Variants in LAMA2 observed in about 807,000 individuals in gnomAD.
The protein encoded by LAMA2 is laminin subunit alpha 2, also known as laminin subunit alpha-2.
A neutral mutation model predicts 364.8 loss-of-function variants in LAMA2; 269 were observed. The observed-to-expected ratio is 0.74, with a 90% CI of 0.67 to 0.82. The LOEUF is 0.82. LAMA2 is among the 40% of genes least tolerant of loss of function. The pLI is 0.00. For missense variants in LAMA2, 3,807 were observed against 3,873.2 expected (o/e 0.98, Z 0.45); for synonymous variants, 1,379 against 1,370.6 (o/e 1.01, Z -0.14).
intron 4 of LAMA2, among the ~76,000 whole-genome samples, chr6:129,124,117 A>G (rs1776969659): frequency 6.6e-6 from 1 of 152,180 alleles, no homozygotes; most frequent in Admixed American, 6.5e-5. Flanking sequence ...TTACAACTGA[A>G]AGCCTTCTAA....
chr6:129,169,280 A>G (rs962725226), intron 9 of LAMA2, among the ~76,000 whole-genome samples: 3 of 145,378 alleles, frequency 2.1e-5, no homozygotes, highest in East Asian at 2.0e-4. Context: ...CCCATTCTGT[A>G]TGATACTGGC....
intron 3 of LAMA2, among the ~76,000 whole-genome samples, chr6:129,069,009 G>A (rs543427504): frequency 2.3e-4 from 35 of 152,180 alleles, no homozygotes; most frequent in Admixed American, 9.2e-4. Context: ...CCATGAAAAT[G>A]TAAACATTTT....
At chr6:128,926,683 T>C (rs988084726) in intron 1 of LAMA2, among the ~76,000 whole-genome samples, 3 of 152,328 alleles carry the variant, frequency 2.0e-5, no homozygotes, top group African/African-American at 7.2e-5. Context: ...TGTGCTCCTT[T>C]TTAATATTGG....
At chr6:129,070,029 C>A (rs939798629) in intron 3 of LAMA2, among the ~76,000 whole-genome samples, 1 of 151,910 alleles carries the variant, frequency 6.6e-6, no homozygotes, top group Non-Finnish European at 1.5e-5. Flanking sequence ...CAAAAAAAGG[C>A]TGGAGTGAGA....
intron 22 of LAMA2, among the ~76,000 whole-genome samples, chr6:129,307,519 G>A (rs2494584): frequency 3.1e-3 from 471 of 152,252 alleles, no homozygotes; most frequent in African/African-American, 0.011. Flanking sequence ...GCTATAATGC[G>A]GGCTTTGGGT....
intron 5 of LAMA2, 74 bp from the exon 6 acceptor site, chr6:129,146,885 A>G (rs1016641175): frequency 5.5e-6 from 5 of 917,024 alleles, no homozygotes; most frequent in East Asian, 2.4e-5. Context: ...TAAAGTTTTT[A>G]CTGAATGTCC....
At chr6:129,144,187 A>G in intron 5 of LAMA2, 107 bp downstream of exon 5, 1 of 768,076 alleles carries the variant, frequency 1.3e-6, no homozygotes, top group Non-Finnish European at 2.1e-6. Flanking sequence ...AGTGGTTATT[A>G]TCAAATTTTT....
intron 54 of LAMA2, 109 bp from the exon 55 acceptor site, chr6:129,481,154 G>C: frequency 2.4e-6 from 2 of 841,356 alleles, no homozygotes; most frequent in Non-Finnish European, 4.1e-6. Flanking sequence ...CTAAACCTAT[G>C]ATGTATTTCA....
At chr6:128,974,640 A>G (rs551932168) in intron 1 of LAMA2, among the ~76,000 whole-genome samples, 3 of 152,330 alleles carry the variant, frequency 2.0e-5, no homozygotes, top group African/African-American at 7.2e-5. Context: ...TCTTCTGCCA[A>G]TAGTATTAAT....
At chr6:128,938,496 AGAG>A (rs1686266889) in intron 1 of LAMA2, among the ~76,000 whole-genome samples, 1 of 152,148 alleles carries the variant, frequency 6.6e-6, no homozygotes, top group Admixed American at 6.5e-5. Flanking sequence ...AGTTGTATAT[AGAG>A]AAGCTGCTAG....
At chr6:129,145,010 A>C (rs985319871) in intron 5 of LAMA2, among the ~76,000 whole-genome samples, 4 of 151,992 alleles carry the variant, frequency 2.6e-5, no homozygotes, top group Non-Finnish European at 5.9e-5. Context: ...CATTATTACC[A>C]GGGAAGTCAA....
chr6:129,471,402 T>C (rs967186957), intron 51 of LAMA2, among the ~76,000 whole-genome samples: 2 of 151,968 alleles, frequency 1.3e-5, no homozygotes, highest in Admixed American at 6.6e-5. Flanking sequence ...TCTTTAATCA[T>C]GTTTTCTTAG....
At chr6:129,182,073 G>A (rs1017137152) in intron 10 of LAMA2, among the ~76,000 whole-genome samples, 9 of 151,658 alleles carry the variant, frequency 5.9e-5, no homozygotes, top group Admixed American at 5.3e-4. Flanking sequence ...AAAAGCAGTA[G>A]TATTTCTATA....
intron 49 of LAMA2, 133 bp downstream of exon 49, chr6:129,460,457 AC>A: frequency 1.1e-6 from 1 of 926,994 alleles, no homozygotes; most frequent in Non-Finnish European, 1.7e-6. Flanking sequence ...AGGTGGAATT[AC>A]CACAAAACTA....
chr6:129,034,823 C>A (rs928740142), intron 1 of LAMA2, among the ~76,000 whole-genome samples: 9 of 152,148 alleles, frequency 5.9e-5, no homozygotes, highest in Non-Finnish European at 1.2e-4. Flanking sequence ...TTTATGGCTG[C>A]ACAGTATTCC....
At chr6:129,196,068 G>A (rs1212024021) in intron 12 of LAMA2, among the ~76,000 whole-genome samples, 1 of 152,106 alleles carries the variant, frequency 6.6e-6, no homozygotes, top group East Asian at 1.9e-4. Context: ...TTAATCTTAT[G>A]TGATTTGTTC....
chr6:129,159,067 AATG>A, intron 8 of LAMA2: 1 of 1,580,514 alleles, frequency 6.3e-7, no homozygotes, highest in South Asian at 1.1e-5. Flanking sequence ...GAACACGAGA[AATG>A]ATGAACAAAT....
chr6:129,481,401 C>T lies in LAMA2; in HGVS notation c.7711C>T (p.Pro2571Ser), dbSNP rs1413143969. Residue 2571 changes from proline to serine, a missense_variant, in exon 55 of 65, where the codon CCA (proline) becomes TCA (serine). Physicochemically the swap from Pro to Ser is moderately conservative, Grantham distance 74. Coordinates refer to ENST00000421865, the MANE Select transcript of LAMA2 (RefSeq NM_000426.4). ...GIILLGSGGT[P>S]APPRRKRRQT... ...CATTCTTTTGGGAAGTGGAGGGACACCAGCACCACCTAGGAGAAAACGAAG... is the reference window on the plus strand; with the variant it reads ...CATTCTTTTGGGAAGTGGAGGGACATCAGCACCACCTAGGAGAAAACGAAG... 1.9e-6 allele frequency: 3 copies of T among 1,613,900 alleles called. No homozygotes were observed. The South Asian group carries it at 3.3e-5, about 18-fold the overall frequency.
At chr6:129,038,744 C>T (rs1250768548) in intron 1 of LAMA2, among the ~76,000 whole-genome samples, 1 of 152,162 alleles carries the variant, frequency 6.6e-6, no homozygotes, top group Non-Finnish European at 1.5e-5. Context: ...GAAGAAAGGT[C>T]TCCTCTATTT....
Sources: allele counts gnomAD v4.1 joint callset (sites outside exome capture counted in the v4.1 genomes callset), GRCh38; gene constraint gnomAD v4.1.1; transcripts MANE v1.5; gene names NCBI Gene and HGNC (gene_info 2026-07-23, HGNC 2026-07-21).